The following CDKL5 variants were observed in gnomAD, a reference collection of about 807,000 sequenced individuals.
The protein encoded by CDKL5 is cyclin-dependent kinase-like 5.
CDKL5 carries 8 observed loss-of-function variants against 61.7 expected under a neutral mutation model. The observed-to-expected ratio is 0.13, with a 90% CI of 0.08 to 0.23. CDKL5 has a LOEUF of 0.23. Ranked by LOEUF, CDKL5 falls within the 10% of genes least tolerant of loss-of-function variation. The probability of loss-of-function intolerance (pLI) is 1.00; values close to 1 mark genes in which losing one functional copy is unlikely to be tolerated. For synonymous variants in CDKL5, 275 were observed against 272.3 expected (o/e 1.01, Z -0.10); for missense variants, 440 against 734.5 (o/e 0.60, Z 4.63).
intron 6 of CDKL5, among the ~76,000 whole-genome samples, 191 bp downstream of exon 6, chrX:18,580,159 A>G (rs886201285): frequency 8.9e-6 from 1 of 112,392 alleles, no homozygotes; most frequent in Non-Finnish European, 1.9e-5. Flanking sequence ...AAAAGGATGG[A>G]TTACAAATTT....
chrX:18,505,041 T>C (rs1258465912), intron 1 of CDKL5, among the ~76,000 whole-genome samples: 1 of 111,947 alleles, frequency 8.9e-6, no homozygotes, highest in Non-Finnish European at 1.9e-5. Context: ...ACCACTGTTA[T>C]TCTTAGAGAT....
intron 3 of CDKL5, among the ~76,000 whole-genome samples, chrX:18,555,706 G>C (rs1306941389): frequency 4.5e-5 from 5 of 111,952 alleles, no homozygotes; most frequent in Non-Finnish European, 5.6e-5. Flanking sequence ...TTAACTTACT[G>C]TCATGCGTTA....
intron 3 of CDKL5, among the ~76,000 whole-genome samples, chrX:18,546,477 G>C (rs922281379): frequency 1.8e-5 from 2 of 110,435 alleles, no homozygotes; most frequent in Admixed American, 9.6e-5. Flanking sequence ...GGCCAGGCTG[G>C]TCTCGGACCT....
rs1359480368 is a variant in CDKL5 at position 18,567,133 on chromosome X, C to G, written c.145+2611C>G. Among the ~76,000 whole-genome samples the G allele has an allele frequency of 2.7e-5, 3 of 111,867 alleles. No individual in the cohort carries two copies. In the South Asian group the frequency reaches 1.1e-3, roughly 42 times the overall value. On this transcript the variant is annotated intron_variant, in intron 4 of 17. Coordinates refer to ENST00000623535, the MANE Select transcript of CDKL5 (RefSeq NM_001323289.2). The stretch of plus-strand genomic sequence containing the variant: ...TTCTGTCTTTACCCTTTTCCTCTGG[C>G]TGGAGTAGTGTCTTGCTTAATGGAA...
At chrX:18,553,471 T>C (rs1602257032) in intron 3 of CDKL5, among the ~76,000 whole-genome samples, 1 of 100,401 alleles carries the variant, frequency 1.0e-5, no homozygotes, top group Admixed American at 1.0e-4. Flanking sequence ...TGTGCGTGTG[T>C]GTGTGTGTGT....
intron 1 of CDKL5, among the ~76,000 whole-genome samples, chrX:18,463,641 A>G (rs1287949757): frequency 8.9e-6 from 1 of 112,186 alleles, no homozygotes; most frequent in African/African-American, 3.2e-5. Context: ...TTCATTATCC[A>G]TGGTCATAAA....
chrX:18,487,718 C>T (rs1010808306), intron 1 of CDKL5, among the ~76,000 whole-genome samples: 1 of 112,709 alleles, frequency 8.9e-6, no homozygotes, highest in African/African-American at 3.2e-5. Context: ...GAGTTCAAGA[C>T]CAGCCTGGCC....
intron 1 of CDKL5, among the ~76,000 whole-genome samples, chrX:18,467,482 C>G (rs1424222945): frequency 8.9e-6 from 1 of 111,878 alleles, no homozygotes; most frequent in Non-Finnish European, 1.9e-5. Context: ...TTTTCACTAG[C>G]TCTGGGTCTC....
intron 14 of CDKL5, 27 bp downstream of exon 14, chrX:18,609,597 G>T: frequency 8.3e-7 from 1 of 1,208,354 alleles, no homozygotes; most frequent in East Asian, 3.0e-5. Context: ...CATTCAACAG[G>T]TTCCCCTCTC....
chrX:18,571,283 C>A (rs1925127446), intron 4 of CDKL5, among the ~76,000 whole-genome samples: 1 of 111,617 alleles, frequency 9.0e-6, no homozygotes, highest in African/African-American at 3.3e-5. Flanking sequence ...CTGTGACTCA[C>A]TTTCCAAAAC....
chrX:18,614,273 A>C (rs1048621576), intron 15 of CDKL5, among the ~76,000 whole-genome samples: 31 of 112,788 alleles, frequency 2.7e-4, no homozygotes, highest in African/African-American at 1.0e-3. Context: ...AATTATTCTT[A>C]AAACAATATA....
chrX:18,647,164 G>A (rs761278303), intron 20 of CDKL5: 1 of 1,204,690 alleles, frequency 8.3e-7, no homozygotes, highest in African/African-American at 1.8e-5. Flanking sequence ...AAAAGCACAT[G>A]AAAAAAAATC....
intron 6 of CDKL5, 27 bp from the exon 7 acceptor site, chrX:18,581,864 A>G (rs1279629951): frequency 1.9e-6 from 2 of 1,059,439 alleles, no homozygotes; most frequent in African/African-American, 1.8e-5. Context: ...CATTTTTACT[A>G]ATTTTTTTTT....
intron 1 of CDKL5, among the ~76,000 whole-genome samples, chrX:18,430,249 A>G (rs1931453346): frequency 8.9e-6 from 1 of 112,382 alleles, no homozygotes. Context: ...ATATTGCATT[A>G]TAACTTTTGA....
At chrX:18,436,492 G>A (rs775650997) in intron 1 of CDKL5, among the ~76,000 whole-genome samples, 3 of 111,391 alleles carry the variant, frequency 2.7e-5, no homozygotes, top group South Asian at 7.6e-4. Context: ...AGTGAGACCC[G>A]AAGAATGAGA....
chrX:18,528,434 T>C (rs1923525323), intron 3 of CDKL5, among the ~76,000 whole-genome samples: 1 of 110,429 alleles, frequency 9.1e-6, no homozygotes. Context: ...TTTTGCATTT[T>C]GTAATGCTAT....
At chrX:18,473,839 A>C (rs1921199698) in intron 1 of CDKL5, among the ~76,000 whole-genome samples, 2 of 106,995 alleles carry the variant, frequency 1.9e-5, no homozygotes, top group South Asian at 8.5e-4. Context: ...TTTTTTAAAG[A>C]CCTGGGGGTG....
intron 17 of CDKL5, among the ~76,000 whole-genome samples, chrX:18,626,141 A>G (rs1399486814): frequency 9.5e-6 from 1 of 105,180 alleles, no homozygotes; most frequent in East Asian, 3.0e-4. Flanking sequence ...AACTCGGTTC[A>G]CTGCATCCTT....
At chrX:18,432,812 G>T (rs1931526904) in intron 1 of CDKL5, among the ~76,000 whole-genome samples, 1 of 110,868 alleles carries the variant, frequency 9.0e-6, no homozygotes, top group African/African-American at 3.3e-5. Context: ...TCACAGTTTT[G>T]CTCAGGCTGG....
Sources: gnomAD v4.1 joint callset for allele counts (sites outside exome capture counted in the v4.1 genomes callset) on GRCh38, gnomAD v4.1.1 for gene constraint, MANE v1.5 for transcripts, NCBI Gene and HGNC (gene_info 2026-07-23, HGNC 2026-07-21) for gene names.